CTNNA3: variants seen among roughly 807,000 people sequenced by gnomAD.
CTNNA3 encodes catenin alpha-3.
In CTNNA3, 76 loss-of-function variants were observed where a neutral mutation model predicts 95.7. That is an observed-to-expected ratio of 0.79 (90% CI 0.66 to 0.96). The LOEUF (loss-of-function observed/expected upper bound fraction) is 0.96, where lower values mean the gene tolerates loss of function less well. Among genes scored for constraint, CTNNA3 ranks in the 40% least tolerant of loss-of-function variants. The pLI, the probability that CTNNA3 is intolerant of heterozygous loss-of-function variation, is 0.00. For missense variants in CTNNA3, 1,191 were observed against 1,089.8 expected (o/e 1.09, Z -1.31); for synonymous variants, 431 against 374.4 (o/e 1.15, Z -1.74).
At chr10:67,703,097 A>T (rs1021468109) in intron 1 of CTNNA3, among the ~76,000 whole-genome samples, 1 of 152,266 alleles carries the variant, frequency 6.6e-6, no homozygotes, top group Non-Finnish European at 1.5e-5. Flanking sequence ...ATCTTTGAAT[A>T]GACCAATAAC....
chr10:66,753,243 C>T (rs1025965590), intron 9 of CTNNA3, among the ~76,000 whole-genome samples: 1 of 152,192 alleles, frequency 6.6e-6, no homozygotes, highest in Non-Finnish European at 1.5e-5. Flanking sequence ...CTGCCTCACT[C>T]TTTGCTTTCT....
intron 5 of CTNNA3, among the ~76,000 whole-genome samples, chr10:67,258,976 C>T (rs2132383827): frequency 6.6e-6 from 1 of 152,286 alleles, no homozygotes; most frequent in African/African-American, 2.4e-5. Flanking sequence ...CTAGATTACA[C>T]ATAATACCTA....
chr10:66,159,746 G>C (rs1284783901), intron 13 of CTNNA3, among the ~76,000 whole-genome samples: 1 of 151,486 alleles, frequency 6.6e-6, no homozygotes, highest in East Asian at 1.9e-4. Context: ...GTGTCAAAGG[G>C]ATTGGTACCA....
At chr10:66,367,902 A>T (rs1589149590) in intron 12 of CTNNA3, among the ~76,000 whole-genome samples, 1 of 80,456 alleles carries the variant, frequency 1.2e-5, no homozygotes, top group South Asian at 5.8e-4. Context: ...TATTATTATT[A>T]TTATTATTAT....
chr10:67,663,076 G>T (rs1287992051), intron 1 of CTNNA3, among the ~76,000 whole-genome samples: 1 of 152,000 alleles, frequency 6.6e-6, no homozygotes, highest in African/African-American at 2.4e-5. Flanking sequence ...TTGTACATCT[G>T]TCAATTTACA....
intron 10 of CTNNA3, among the ~76,000 whole-genome samples, chr10:66,620,245 T>A (rs115895574): frequency 0.011 from 1,683 of 152,246 alleles, 40 homozygotes; most frequent in African/African-American, 0.038. Context: ...TATGTTTACC[T>A]TAAAGTTCTT....
intron 9 of CTNNA3, among the ~76,000 whole-genome samples, chr10:66,703,369 A>G (rs552132351): frequency 6.6e-6 from 1 of 152,312 alleles, no homozygotes; most frequent in South Asian, 2.1e-4. Flanking sequence ...CTCTTCATCA[A>G]TCTAAGGATA....
chr10:66,300,875 C>T (rs2091851702), intron 12 of CTNNA3, among the ~76,000 whole-genome samples: 1 of 150,820 alleles, frequency 6.6e-6, no homozygotes. Context: ...TAAAGAAAGT[C>T]AACAAAATCA....
At chr10:67,099,432 C>A (rs971260789) in intron 7 of CTNNA3, 22 of 151,348 alleles carry the variant, frequency 1.5e-4, no homozygotes, top group African/African-American at 4.6e-4. Context: ...GACAATACAT[C>A]AATCTAACAG....
intron 13 of CTNNA3, among the ~76,000 whole-genome samples, chr10:66,246,960 G>A (rs1191395689): frequency 6.6e-6 from 1 of 151,302 alleles, no homozygotes; most frequent in Non-Finnish European, 1.5e-5. Context: ...GGCTGAAGCA[G>A]GAGAATCACT....
At chr10:67,282,085 C>T (rs746900176) in intron 5 of CTNNA3, among the ~76,000 whole-genome samples, 16 of 152,142 alleles carry the variant, frequency 1.1e-4, no homozygotes, top group Admixed American at 9.8e-4. Flanking sequence ...AATGATTTCA[C>T]ATTATCATTT....
At chr10:65,960,952 GAGA>G (rs1273108373) in intron 17 of CTNNA3, among the ~76,000 whole-genome samples, 3 of 152,144 alleles carry the variant, frequency 2.0e-5, no homozygotes, top group Non-Finnish European at 2.9e-5. Context: ...CATCCTGGCT[GAGA>G]AGAAGAGCTC....
chr10:67,734,866 T>G (rs114121421), intron 1 of CTNNA3, among the ~76,000 whole-genome samples: 4 of 151,822 alleles, frequency 2.6e-5, no homozygotes, highest in Admixed American at 1.3e-4. Flanking sequence ...ATAACATGGG[T>G]TTTTTTTAAA....
chr10:67,491,713 T>C lies in CTNNA3; in HGVS notation c.579+30129A>G, dbSNP rs78710510. 1.4e-3 allele frequency among the ~76,000 whole-genome samples: 214 copies of C among 152,274 alleles called. 1 individual carries two copies. The Middle Eastern group carries it at 0.031, about 22-fold the overall frequency. On this transcript the variant is annotated intron_variant, in intron 5 of 17. Coordinates refer to ENST00000433211, the MANE Select transcript of CTNNA3 (RefSeq NM_013266.4). ...TAAAGGCAACAGAGAACCAGAACCATTGAAGGATTTTTACTTGAGGATATG... is the reference window on the plus strand; with the variant it reads ...TAAAGGCAACAGAGAACCAGAACCACTGAAGGATTTTTACTTGAGGATATG...
At chr10:67,536,235 T>C (rs1564722870) in intron 4 of CTNNA3, among the ~76,000 whole-genome samples, 1 of 152,064 alleles carries the variant, frequency 6.6e-6, no homozygotes, top group African/African-American at 2.4e-5. Context: ...GTCCTAAGAG[T>C]AATCATCAGT....
rs557073180 is a variant in CTNNA3, at chr10:67,617,283, T to C, written c.100-10234A>G. Among the ~76,000 whole-genome samples the C allele has an allele frequency of 6.8e-4, 104 of 152,302 alleles. 1 individual carries two copies. Among genetic ancestry groups the C allele is most frequent in the East Asian group, 5.8e-4 (3 of 5,182 alleles). ...CCACCCTCTTATAGGACCCAGTGTC[T>C]GTTGTTCCCCTCTATGTGTCCATGT... On this transcript the variant is annotated intron_variant, in intron 2 of 17. Transcript: ENST00000433211.
intron 7 of CTNNA3, among the ~76,000 whole-genome samples, chr10:66,815,458 AT>A (rs1842039083): frequency 6.6e-6 from 1 of 152,076 alleles, no homozygotes. Context: ...AAGAACTATT[AT>A]TGTTTGACTT....
intron 10 of CTNNA3, among the ~76,000 whole-genome samples, chr10:66,545,238 C>T (rs936579746): frequency 6.6e-6 from 1 of 151,886 alleles, no homozygotes. Context: ...CCCTTATATG[C>T]TAATTTTTCT....
At chr10:67,072,008 C>T (rs1027496682) in intron 7 of CTNNA3, among the ~76,000 whole-genome samples, 2 of 152,146 alleles carry the variant, frequency 1.3e-5, no homozygotes, top group African/African-American at 4.8e-5. Context: ...GGTTGGAGTG[C>T]TGTGCACGAT....
Sources: allele counts gnomAD v4.1 joint callset (sites outside exome capture counted in the v4.1 genomes callset), GRCh38; gene constraint gnomAD v4.1.1; transcripts MANE v1.5; gene names NCBI Gene and HGNC (gene_info 2026-07-23, HGNC 2026-07-21).